Variants in CDH4 observed in about 807,000 individuals in gnomAD.
CDH4 encodes cadherin-4.
Under a neutral mutation model 86.0 loss-of-function variants are expected in CDH4, and 33 were observed. The ratio of observed to expected loss-of-function variants is 0.38; its 90% CI spans 0.29 to 0.51. CDH4 has a LOEUF of 0.51. CDH4 is among the 20% of genes least tolerant of loss of function. The pLI, the probability that CDH4 is intolerant of heterozygous loss-of-function variation, is 0.86. For missense variants in CDH4, 1,114 were observed against 1,307.4 expected, an observed-to-expected ratio of 0.85 and a Z score of 2.28; for synonymous variants, 555 against 549.4, an observed-to-expected ratio of 1.01 and a Z score of -0.14.
chr20:61,552,238 G>A (rs972818649), intron 2 of CDH4, among the ~76,000 whole-genome samples: 2 of 152,288 alleles, frequency 1.3e-5, no homozygotes, highest in African/African-American at 4.8e-5. Context: ...TAAGAGTCTA[G>A]TATCAAGAAT....
At chr20:61,848,993 T>G (rs1466940351) in intron 5 of CDH4, among the ~76,000 whole-genome samples, 1 of 152,140 alleles carries the variant, frequency 6.6e-6, no homozygotes, top group Non-Finnish European at 1.5e-5. Flanking sequence ...TCATCCTCAT[T>G]TCCCATTTTC....
rs534645835 is a variant in CDH4 at position 61,940,387 on chromosome 20, G to A, written c.*3444G>A. Reference sequence around the variant, plus strand: ...AAATCTGAGCATCGCGAGGTTAAACGTTCCACCTTTTTTTGTAATCGTCAA... The same window carrying A: ...AAATCTGAGCATCGCGAGGTTAAACATTCCACCTTTTTTTGTAATCGTCAA... On this transcript the variant is annotated 3_prime_UTR_variant, in exon 16 of 16. Coordinates refer to ENST00000614565, the MANE Select transcript of CDH4 (RefSeq NM_001794.5). The A allele has an allele frequency of 4.6e-5, 7 of 151,238 alleles. No homozygotes were observed. The highest frequency in any genetic ancestry group is 1.9e-4 in the East Asian group (1 of 5,170). 9.4% of individuals were successfully genotyped at this position (151,238 alleles called of 1,614,324 possible).
intron 15 of CDH4, among the ~76,000 whole-genome samples, chr20:61,936,408 CCTCTCCCACA>C (rs2055189202): frequency 8.0e-5 from 1 of 12,450 alleles, no homozygotes. Context: ...CCCCCTCCCC[CCTCTCCCACA>C]CCCCCCCCCC....
rs537772243 is a variant in CDH4 at position 61,538,314 on chromosome 20, A to C, written c.170-205249A>C. Among the ~76,000 whole-genome samples, 4 of 152,246 alleles carry C rather than the reference A, an allele frequency of 2.6e-5. No individual in the cohort carries two copies. The South Asian group carries it at 8.3e-4, about 32-fold the overall frequency. ...TCACTCTGGGAGAAGGACACCTGCC[A>C]TCTCCCCTCCCCAGGGGCTGGTGCA... On this transcript the variant is annotated intron_variant, in intron 2 of 15. Transcript: ENST00000614565.
chr20:61,302,489 G>A (rs900720873), intron 2 of CDH4, among the ~76,000 whole-genome samples: 2 of 151,332 alleles, frequency 1.3e-5, no homozygotes, highest in Non-Finnish European at 2.9e-5. Context: ...CCTGGGTTGG[G>A]GGGGGTCTGT....
rs1301916860 is a variant in CDH4 at position 61,383,236 on chromosome 20, ATATATATGAT to A, written c.169+128309_169+128318del. On this transcript the variant is annotated intron_variant, in intron 2 of 15. Transcript: ENST00000614565. The stretch of plus-strand genomic sequence containing the variant: ...ATATATGAATATATTATATATATGA[ATATATATGAT>A]TATATATGAATATATGTGATATATA... Among the ~76,000 whole-genome samples the A allele has an allele frequency of 5.7e-5, 6 of 104,552 alleles. 1 individual carries two copies. The highest frequency in any genetic ancestry group is 2.1e-4 in the African/African-American group (6 of 28,800). The allele number at this position is 104,552 out of a possible 152,430, so 68.6% of individuals were successfully genotyped here. A position where few individuals can be genotyped will look rare whatever the true frequency, so the allele number is the denominator to read the frequency against.
chr20:61,680,824 T>TC (rs570797154), intron 2 of CDH4, among the ~76,000 whole-genome samples: 2 of 120,630 alleles, frequency 1.7e-5, no homozygotes, highest in Non-Finnish European at 1.6e-5. Flanking sequence ...TGTCCTGAGT[T>TC]CCCCCCTGTG....
At chr20:61,405,252 C>T (rs1292627055) in intron 2 of CDH4, among the ~76,000 whole-genome samples, 2 of 151,492 alleles carry the variant, frequency 1.3e-5, no homozygotes, top group African/African-American at 4.9e-5. Context: ...TTCTCCCACG[C>T]GCCGTTCTCG....
intron 2 of CDH4, among the ~76,000 whole-genome samples, chr20:61,573,571 C>T (rs1369104721): frequency 6.6e-6 from 1 of 152,140 alleles, no homozygotes; most frequent in Non-Finnish European, 1.5e-5. Context: ...GTCCCACAGT[C>T]CTGACCAGCG....
rs1568774458 is a variant in CDH4 at position 61,269,010 on chromosome 20, A to G, written c.169+14073A>G. Among the ~76,000 whole-genome samples the G allele has an allele frequency of 6.6e-6, 1 of 152,192 alleles. No homozygotes were observed. Among genetic ancestry groups the G allele is most frequent in the Non-Finnish European group, 1.5e-5 (1 of 68,036 alleles). On this transcript the variant is annotated intron_variant, in intron 2 of 15. Coordinates refer to ENST00000614565, the MANE Select transcript of CDH4 (RefSeq NM_001794.5). The surrounding 1 kb of genome is among the most constrained non-coding windows in gnomAD (Gnocchi z 5.3). ...GCAAATGTGATGAGGAGTGTTGCGC[A>G]GACACCTTGGGTGAGCATCAGAACC...
chr20:61,517,113 G>A lies in CDH4; in HGVS notation c.170-226450G>A, dbSNP rs948304172. On this transcript the variant is annotated intron_variant, in intron 2 of 15. Coordinates refer to ENST00000614565, the MANE Select transcript of CDH4 (RefSeq NM_001794.5). This position sits in a 1 kb window ranked among gnomAD's most constrained non-coding sequence, Gnocchi z 6.6. The stretch of plus-strand genomic sequence containing the variant: ...GCTCCCTCAGGCCCCTTGTGGCCAC[G>A]ATCCCTTCACCAAAGGGTAACCAGA... Among the ~76,000 whole-genome samples, 1 of 152,174 alleles carries A rather than the reference G, an allele frequency of 6.6e-6. No individual in the cohort carries two copies. Among genetic ancestry groups the A allele is most frequent in the East Asian group, 1.9e-4 (1 of 5,190 alleles).
At chr20:61,826,740 T>C (rs1981332907) in intron 4 of CDH4, among the ~76,000 whole-genome samples, 1 of 152,200 alleles carries the variant, frequency 6.6e-6, no homozygotes, top group Non-Finnish European at 1.5e-5. Flanking sequence ...CGAGACCCGT[T>C]GATGGCCTAG....
At chr20:61,784,701 C>T (rs1029651808) in intron 4 of CDH4, among the ~76,000 whole-genome samples, 2 of 108,014 alleles carry the variant, frequency 1.9e-5, no homozygotes, top group African/African-American at 8.4e-5. Flanking sequence ...AATGTAATCC[C>T]AGTTCCTCGG....
chr20:61,886,598 C>T (rs142576770), intron 7 of CDH4, among the ~76,000 whole-genome samples: 47 of 152,280 alleles, frequency 3.1e-4, no homozygotes, highest in African/African-American at 8.7e-4. Context: ...CGAGGGTTGA[C>T]GTGGGGAGCA....
rs73611557 is a variant in CDH4 at position 61,712,991 on chromosome 20, G to C, written c.170-30572G>C. Among the ~76,000 whole-genome samples the C allele has an allele frequency of 2.4e-4, 36 of 152,238 alleles. 1 individual carries two copies. Among genetic ancestry groups the C allele is most frequent in the African/African-American group, 8.2e-4 (34 of 41,558 alleles). On this transcript the variant is annotated intron_variant, in intron 2 of 15. Coordinates refer to ENST00000614565, the MANE Select transcript of CDH4 (RefSeq NM_001794.5). ...GACACTGGGGATGGCCCTGAGACTCGTGACTTGGCAGTTCAGAGCAGAAGA... is the reference window on the plus strand; with the variant it reads ...GACACTGGGGATGGCCCTGAGACTCCTGACTTGGCAGTTCAGAGCAGAAGA...
chr20:61,365,914 G>C (rs1449735543), intron 2 of CDH4, among the ~76,000 whole-genome samples: 1 of 152,194 alleles, frequency 6.6e-6, no homozygotes, highest in Non-Finnish European at 1.5e-5. Flanking sequence ...CAGGCTGGGA[G>C]TGTTGAGAAT....
chr20:61,825,574 A>C (rs978390358), intron 4 of CDH4, among the ~76,000 whole-genome samples: 9 of 152,164 alleles, frequency 5.9e-5, no homozygotes, highest in African/African-American at 1.9e-4. Flanking sequence ...CAAACTTTGG[A>C]AGGCGAGACT....
At chr20:61,657,304 A>G (rs1290749976) in intron 2 of CDH4, among the ~76,000 whole-genome samples, 1 of 152,252 alleles carries the variant, frequency 6.6e-6, no homozygotes, top group Non-Finnish European at 1.5e-5. Context: ...TTACGTACGC[A>G]GAAGGAGGCT....
At chr20:61,337,257 G>T (rs369942937) in intron 2 of CDH4, among the ~76,000 whole-genome samples, 1 of 150,356 alleles carries the variant, frequency 6.7e-6, no homozygotes, top group African/African-American at 2.5e-5. Flanking sequence ...GAAGATGATG[G>T]TGATGGTGAT....
Sources: allele counts gnomAD v4.1 joint callset (sites outside exome capture counted in the v4.1 genomes callset), GRCh38; gene constraint gnomAD v4.1.1; non-coding constraint Gnocchi (gnomAD v3.1); transcripts MANE v1.5; gene names NCBI Gene and HGNC (gene_info 2026-07-23, HGNC 2026-07-21).